The following ABR variants were observed in gnomAD, a reference collection of about 807,000 sequenced individuals.
ABR encodes ABR activator of RhoGEF and GTPase.
Under a neutral mutation model 107.2 loss-of-function variants are expected in ABR, and 35 were observed. The ratio of observed to expected loss-of-function variants is 0.33; its 90% CI spans 0.25 to 0.43. ABR has a LOEUF of 0.43. ABR is among the 20% of genes least tolerant of loss of function. The pLI is 1.00. For synonymous variants in ABR, 498 were observed against 462.0 expected, an observed-to-expected ratio of 1.08 and a Z score of -1.00; for missense variants, 815 against 1,115.2, an observed-to-expected ratio of 0.73 and a Z score of 3.83.
At chr17:1,216,859 T>C (rs901051572) in intron 1 of ABR, among the ~76,000 whole-genome samples, 10 of 152,160 alleles carry the variant, frequency 6.6e-5, no homozygotes, top group Admixed American at 6.6e-4. Flanking sequence ...CCACAAAGGT[T>C]ACCAACAAGC....
At chr17:1,176,808 C>G (rs1398371289) in intron 1 of ABR, among the ~76,000 whole-genome samples, 1 of 151,670 alleles carries the variant, frequency 6.6e-6, no homozygotes, top group Non-Finnish European at 1.5e-5. Flanking sequence ...GATCGCACCA[C>G]TGCACTCCAG....
intron 1 of ABR, among the ~76,000 whole-genome samples, chr17:1,128,061 G>T (rs1444989395): frequency 2.0e-5 from 3 of 152,216 alleles, no homozygotes; most frequent in Non-Finnish European, 4.4e-5. Context: ...TGACCATGGA[G>T]CTGAACGCAG....
At chr17:1,194,169 G>GT (rs796341461) in intron 1 of ABR, among the ~76,000 whole-genome samples, 92 of 150,842 alleles carry the variant, frequency 6.1e-4, no homozygotes, top group African/African-American at 8.0e-4. Flanking sequence ...TGTTTCCTTT[G>GT]TTTTTTTTTA....
intron 1 of ABR, among the ~76,000 whole-genome samples, chr17:1,215,987 A>G (rs1469342766): frequency 2.2e-5 from 3 of 135,304 alleles, no homozygotes; most frequent in Non-Finnish European, 4.9e-5. Context: ...CGTGCTCGTT[A>G]AGAGTCATCA....
chr17:1,013,262 A>C (rs2070796872), intron 16 of ABR, 98 bp from the exon 17 acceptor site: 1 of 1,192,330 alleles, frequency 8.4e-7, no homozygotes, highest in East Asian at 2.3e-5. Context: ...CTACACAGTC[A>C]GGAAGGCGGA....
chr17:1,104,467 G>A lies in ABR; in HGVS notation c.247-3732C>T, dbSNP rs556017170. 3.3e-5 allele frequency among the ~76,000 whole-genome samples: 5 copies of A among 152,300 alleles called. No individual in the cohort carries two copies. The South Asian group carries it at 1.0e-3, about 32-fold the overall frequency. Reference sequence around the variant, plus strand: ...GCTGGCTCTCTGGCTGCGACTCAAGGCTATAGGGCATGCAGCGAGGGTCTG... The same window carrying A: ...GCTGGCTCTCTGGCTGCGACTCAAGACTATAGGGCATGCAGCGAGGGTCTG... On this transcript the variant is annotated intron_variant, in intron 2 of 22. Coordinates refer to ENST00000302538, the MANE Select transcript of ABR (RefSeq NM_021962.5).
chr17:1,012,062 C>T (rs1208135538), intron 18 of ABR, 77 bp from the exon 19 acceptor site: 1 of 1,598,346 alleles, frequency 6.3e-7, no homozygotes, highest in Admixed American at 1.7e-5. Context: ...CCAGCACACA[C>T]ACACCCTGGA....
In ABR at chr17:1,067,278, G is replaced by A. The variant is rs561334671; in HGVS notation, c.1017-36C>T. 18 of 1,530,962 alleles carry A rather than the reference G, an allele frequency of 1.2e-5. No individual in the cohort carries two copies. In the East Asian group the frequency reaches 3.4e-4, roughly 29 times the overall value. The allele number at this position is 1,530,962 out of a possible 1,614,324, so 94.8% of individuals were successfully genotyped here. On this transcript the variant is annotated intron_variant, in intron 9 of 22. Transcript: ENST00000302538. ...GCCAGAGGGAGCCATGAGCCAGAGG[G>A]AGCCTGGCTCTTCCAGCCTCAACTC... is the stretch of plus-strand genomic sequence containing the variant.
At chr17:1,119,751 G>T (rs928958064) in intron 2 of ABR, among the ~76,000 whole-genome samples, 1 of 152,256 alleles carries the variant, frequency 6.6e-6, no homozygotes, top group Non-Finnish European at 1.5e-5. Context: ...CAGCGGCGGG[G>T]TGGGTGTGAA....
chr17:1,224,836 G>A (rs1171238142), intron 1 of ABR, among the ~76,000 whole-genome samples: 3 of 152,112 alleles, frequency 2.0e-5, no homozygotes, highest in Non-Finnish European at 4.4e-5. Context: ...CACCACAACT[G>A]ACTGATTCTT....
intron 3 of ABR, among the ~76,000 whole-genome samples, chr17:1,096,828 AG>A (rs1368278092): frequency 6.3e-5 from 7 of 110,410 alleles, no homozygotes; most frequent in Non-Finnish European, 1.3e-4. Context: ...GAGCTGGGGA[AG>A]GGGGGAAACC....
At chr17:1,151,407 T>C (rs566614538) in intron 1 of ABR, among the ~76,000 whole-genome samples, 1 of 152,324 alleles carries the variant, frequency 6.6e-6, no homozygotes, top group East Asian at 1.9e-4. Flanking sequence ...GCTCAGTTCC[T>C]GCACCCAGGC....
At chr17:1,160,894 G>A (rs1385261338) in intron 1 of ABR, among the ~76,000 whole-genome samples, 1 of 152,250 alleles carries the variant, frequency 6.6e-6, no homozygotes, top group African/African-American at 2.4e-5. Flanking sequence ...CCCAAGGTGG[G>A]ACGCCCGTGC....
In ABR at chr17:1,075,807, C is replaced by T. The variant is rs1399772217; in HGVS notation, c.701-2130G>A. 5.3e-5 allele frequency among the ~76,000 whole-genome samples: 8 copies of T among 152,192 alleles called. No homozygotes were observed. The South Asian group carries it at 6.2e-4, about 12-fold the overall frequency. ...CTGTAATCCCAGCACTTTGGGAGGC[C>T]GAAGCGGGTGGATCATTTGAGGTCA... On this transcript the variant is annotated intron_variant, in intron 6 of 22. Transcript: ENST00000302538.
chr17:1,076,740 G>GGGGGGGC (rs2035768730), intron 6 of ABR, among the ~76,000 whole-genome samples: 1 of 136,728 alleles, frequency 7.3e-6, no homozygotes, highest in African/African-American at 3.0e-5. Flanking sequence ...GGGGGGGGTG[G>GGGGGGGC]CGGCACTGGG....
In ABR at chr17:1,078,121, G is replaced by A. The variant is rs1458942973; in HGVS notation, c.700+1209C>T. 6.6e-6 allele frequency among the ~76,000 whole-genome samples: 1 copy of A among 152,114 alleles called. No individual in the cohort carries two copies. On this transcript the variant is annotated intron_variant, in intron 6 of 22. Transcript: ENST00000302538. This position sits in a 1 kb window ranked among gnomAD's most constrained non-coding sequence, Gnocchi z 7.5. ...CGAAAGGTGGTGTGTGTGTGTGTGT[G>A]TGTGTGTGTGACCTTCACAGAGTAG...
At chr17:1,123,376 C>T (rs550637762) in intron 2 of ABR, among the ~76,000 whole-genome samples, 2 of 152,280 alleles carry the variant, frequency 1.3e-5, no homozygotes, top group Non-Finnish European at 1.5e-5. Flanking sequence ...GTGAGTCCCT[C>T]GTGAGCCACC....
At chr17:1,203,742 C>T (rs1598121048) in intron 1 of ABR, among the ~76,000 whole-genome samples, 1 of 151,696 alleles carries the variant, frequency 6.6e-6, no homozygotes, top group Non-Finnish European at 1.5e-5. Flanking sequence ...GCGGATGGCG[C>T]CCCCCGGGCC....
intron 1 of ABR, among the ~76,000 whole-genome samples, chr17:1,134,886 G>A (rs887286754): frequency 2.0e-5 from 3 of 152,266 alleles, no homozygotes; most frequent in Non-Finnish European, 2.9e-5. Context: ...AAATGGATAC[G>A]GGTTTAGCAA....
Sources: gnomAD v4.1 joint callset for allele counts (sites outside exome capture counted in the v4.1 genomes callset) on GRCh38, gnomAD v4.1.1 for gene constraint, Gnocchi (gnomAD v3.1) non-coding constraint, MANE v1.5 for transcripts, NCBI Gene and HGNC (gene_info 2026-07-23, HGNC 2026-07-21) for gene names.